The following PRDM5 variants were observed in gnomAD, a reference collection of about 807,000 sequenced individuals.
PRDM5 encodes PR/SET domain 5.
Under a neutral mutation model 81.2 loss-of-function variants are expected in PRDM5, and 56 were observed. The ratio of observed to expected loss-of-function variants is 0.69; its 90% CI spans 0.56 to 0.86. The LOEUF (loss-of-function observed/expected upper bound fraction) is 0.86. PRDM5 is among the 40% of genes least tolerant of loss of function. PRDM5 has a pLI of 0.00. For missense variants in PRDM5, 697 were observed against 770.1 expected (o/e 0.91, Z 1.12); for synonymous variants, 267 against 256.4 (o/e 1.04, Z -0.39).
At chr4:120,904,764 T>A (rs1348225110) in intron 2 of PRDM5, among the ~76,000 whole-genome samples, 1 of 152,174 alleles carries the variant, frequency 6.6e-6, no homozygotes, top group Admixed American at 6.5e-5. Flanking sequence ...AAAATAAAAA[T>A]TATTATCTGT....
intron 2 of PRDM5, among the ~76,000 whole-genome samples, chr4:120,907,159 A>ACC (rs1485509265): frequency 2.6e-5 from 4 of 151,972 alleles, no homozygotes; most frequent in Admixed American, 2.6e-4. Flanking sequence ...ATGTGGCAAA[A>ACC]CCCCGTCTCA....
chr4:120,858,528 TTCTC>T lies in PRDM5; in HGVS notation c.178-4992_178-4989del, dbSNP rs142387343. The stretch of plus-strand genomic sequence containing the variant: ...ATTCCCCCACTGATTGTTCAAAGGA[TTCTC>T]TCTAAAATTACTATTTGCTTGTGTG... On this transcript the variant is annotated intron_variant, in intron 2 of 15. Coordinates refer to ENST00000264808, the MANE Select transcript of PRDM5 (RefSeq NM_018699.4). 7.0e-3 allele frequency among the ~76,000 whole-genome samples: 1,067 copies of T among 152,176 alleles called. 10 individuals carry two copies. The highest frequency in any genetic ancestry group is 0.012 in the Non-Finnish European group (824 of 67,994).
At chr4:120,735,883 G>A (rs1044571283) in intron 14 of PRDM5, among the ~76,000 whole-genome samples, 2 of 152,102 alleles carry the variant, frequency 1.3e-5, no homozygotes, top group Non-Finnish European at 2.9e-5. Flanking sequence ...GGGTACGAGT[G>A]CAATTTTGTT....
chr4:120,857,240 C>T (rs1759981510), intron 2 of PRDM5, among the ~76,000 whole-genome samples: 1 of 152,106 alleles, frequency 6.6e-6, no homozygotes, highest in South Asian at 2.1e-4. Context: ...TGCCTATAGT[C>T]CCAGCTATTT....
At chr4:120,738,513 T>A (rs978806392) in intron 14 of PRDM5, among the ~76,000 whole-genome samples, 2 of 152,264 alleles carry the variant, frequency 1.3e-5, no homozygotes, top group Admixed American at 1.3e-4. Flanking sequence ...GTAAGTATAA[T>A]GAGAGCCTTT....
chr4:120,702,465 A>G (rs555775547), intron 15 of PRDM5, among the ~76,000 whole-genome samples: 129 of 152,298 alleles, frequency 8.5e-4, no homozygotes, highest in Non-Finnish European at 1.6e-3. Context: ...AGCGGCCTTT[A>G]CTTTTCCTTA....
At position 120,922,521 on chromosome 4, in the gene PRDM5, G is replaced by C; in HGVS notation, c.88C>G (p.Arg30Gly). The C allele has an allele frequency of 6.2e-7, 1 of 1,602,690 alleles. No homozygotes were observed. The change falls in exon 1 of 16, where the codon CGA (arginine) becomes GGA (glycine). Residue 30 changes from arginine (R) to glycine (G), a missense_variant. Physicochemically the swap from Arg to Gly is moderately radical, Grantham distance 125 (BLOSUM62 -2). This residue lies in a region of PRDM5 where 577 missense variants were observed against 606.7 expected (regional missense o/e 0.95). Coordinates refer to ENST00000264808, the MANE Select transcript of PRDM5 (RefSeq NM_018699.4). ...GMGLYTARRV[R>G]KGEKFGPFAG... ...GCCGCCGCCGGGTCACCCACCTTTC[G>C]CACTCTGCGGGCCGTGTAGAGCCCC...
chr4:120,708,531 G>T (rs918613004), intron 15 of PRDM5, among the ~76,000 whole-genome samples: 3 of 152,026 alleles, frequency 2.0e-5, no homozygotes, highest in African/African-American at 4.8e-5. Context: ...TTATTTTGTG[G>T]CAATGAAAAT....
In PRDM5 at chr4:120,694,945, C is replaced by CT. The variant is rs1364407242; in HGVS notation, c.*165dup. On this transcript the variant is annotated 3_prime_UTR_variant, in exon 16 of 16. Coordinates refer to ENST00000264808, the MANE Select transcript of PRDM5 (RefSeq NM_018699.4). ...ATACCATTTCTTGTTAAAAGTAAGA[C>CT]TTTTTTTTGGTTGCATATGCATCTA... 60 of 741,094 alleles carry CT rather than the reference C, an allele frequency of 8.1e-5. No homozygotes were observed. Among genetic ancestry groups the CT allele is most frequent in the African/African-American group, 1.2e-4 (7 of 56,334 alleles). The allele number at this position is 741,094 out of a possible 1,614,324, so 45.9% of individuals were successfully genotyped here. A position where few individuals can be genotyped will look rare whatever the true frequency, so the allele number is the denominator to read the frequency against.
chr4:120,836,811 A>C (rs965490066), intron 3 of PRDM5, among the ~76,000 whole-genome samples: 8 of 152,144 alleles, frequency 5.3e-5, no homozygotes, highest in Non-Finnish European at 1.2e-4. Context: ...TCATCAGCAA[A>C]ATGGGAATAT....
intron 2 of PRDM5, among the ~76,000 whole-genome samples, chr4:120,858,576 TGCGC>T (rs1213011507): frequency 6.6e-6 from 1 of 151,730 alleles, no homozygotes; most frequent in Admixed American, 6.6e-5. Context: ...AACGCGTGCG[TGCGC>T]GCGCACGCAC....
At chr4:120,789,335 C>T (rs1578740237) in intron 10 of PRDM5, among the ~76,000 whole-genome samples, 1 of 152,126 alleles carries the variant, frequency 6.6e-6, no homozygotes, top group Admixed American at 6.6e-5. Context: ...TCTAGCCACA[C>T]AGATCAAATA....
At chr4:120,885,113 C>T (rs1233348486) in intron 2 of PRDM5, among the ~76,000 whole-genome samples, 7 of 122,440 alleles carry the variant, frequency 5.7e-5, no homozygotes, top group South Asian at 2.5e-4. Context: ...CCAGCCTGGG[C>T]GACAGAGCAA....
chr4:120,798,624 C>T (rs543937857), intron 9 of PRDM5, among the ~76,000 whole-genome samples, 200 bp from the exon 10 acceptor site: 3 of 152,218 alleles, frequency 2.0e-5, no homozygotes, highest in South Asian at 4.1e-4. Flanking sequence ...CTCTTACAGA[C>T]GTATTTTGAA....
In PRDM5 at chr4:120,910,522, T is replaced by G. The variant is rs1227412564; in HGVS notation, c.94-2965A>C. Among the ~76,000 whole-genome samples the G allele has an allele frequency of 3.3e-5, 5 of 152,344 alleles. No individual in the cohort carries two copies. In the East Asian group the frequency reaches 9.6e-4, roughly 29 times the overall value. Reference sequence around the variant, plus strand: ...TAAAACTGTAATTACAATTTTATTTTTATTCACTAACCACATTTCCTACAG... The same window carrying G: ...TAAAACTGTAATTACAATTTTATTTGTATTCACTAACCACATTTCCTACAG... On this transcript the variant is annotated intron_variant, in intron 1 of 15. Coordinates refer to ENST00000264808, the MANE Select transcript of PRDM5 (RefSeq NM_018699.4).
intron 14 of PRDM5, among the ~76,000 whole-genome samples, chr4:120,750,439 C>T (rs1279833845): frequency 6.6e-6 from 1 of 152,100 alleles, no homozygotes; most frequent in African/African-American, 2.4e-5. Flanking sequence ...TCTGCCAAAA[C>T]CTGATGGTGA....
chr4:120,760,041 A>G (rs1167072310), intron 13 of PRDM5, among the ~76,000 whole-genome samples: 2 of 152,242 alleles, frequency 1.3e-5, no homozygotes, highest in Non-Finnish European at 2.9e-5. Flanking sequence ...TAAGGCACAG[A>G]AAGGATAAGT....
chr4:120,690,781 C>G (rs965266411), downstream of PRDM5, among the ~76,000 whole-genome samples: 5 of 151,964 alleles, frequency 3.3e-5, no homozygotes, highest in Non-Finnish European at 5.9e-5. Context: ...TCTACAGTTT[C>G]CCTTGTCAGG....
chr4:120,811,468 A>G lies in PRDM5; in HGVS notation c.866-19T>C, dbSNP rs943708452. On this transcript the variant is annotated intron_variant, in intron 7 of 15. Coordinates refer to ENST00000264808, the MANE Select transcript of PRDM5 (RefSeq NM_018699.4). ...GGATCTCCTAAAATAGAAATAAAAT[A>G]CCATGATGATTTAAATGAGACTATT... 1 of 1,464,704 alleles carries G rather than the reference A, an allele frequency of 6.8e-7. No homozygotes were observed. The allele number at this position is 1,464,704 out of a possible 1,614,324, so 90.7% of individuals were successfully genotyped here. A position where few individuals can be genotyped will look rare whatever the true frequency, so the allele number is the denominator to read the frequency against.
Sources: allele counts gnomAD v4.1 joint callset (sites outside exome capture counted in the v4.1 genomes callset), GRCh38; gene constraint gnomAD v4.1.1; regional missense constraint gnomAD v4.1.1; transcripts MANE v1.5; gene names NCBI Gene and HGNC (gene_info 2026-07-23, HGNC 2026-07-21).